Variants in TBC1D30 observed in about 807,000 individuals in gnomAD.
The protein encoded by TBC1D30 is TBC1 domain family member 30.
In TBC1D30, 31 loss-of-function variants were observed where a neutral mutation model predicts 63.2. That is an observed-to-expected ratio of 0.49 (90% CI 0.37 to 0.66). The LOEUF (loss-of-function observed/expected upper bound fraction) is 0.66. TBC1D30 is among the 30% of genes least tolerant of loss of function. The pLI, the probability that TBC1D30 is intolerant of heterozygous loss-of-function variation, is 0.00. For synonymous variants in TBC1D30, 307 were observed against 361.5 expected (o/e 0.85, Z 1.71); for missense variants, 810 against 953.6 (o/e 0.85, Z 1.98).
At chr12:64,839,909 G>A (rs1463830696) in intron 7 of TBC1D30, among the ~76,000 whole-genome samples, 4 of 150,948 alleles carry the variant, frequency 2.6e-5, no homozygotes, top group African/African-American at 9.8e-5. Flanking sequence ...GGAGGCTGAG[G>A]CAGGAGAATG....
chr12:64,784,917 AATT>A (rs1871476044), intron 1 of TBC1D30, among the ~76,000 whole-genome samples: 2 of 152,108 alleles, frequency 1.3e-5, no homozygotes, highest in African/African-American at 4.8e-5. Context: ...ATGAATGTAG[AATT>A]ATTGTAATTT....
intron 1 of TBC1D30, 50 bp downstream of exon 1, chr12:64,825,083 T>C: frequency 6.7e-7 from 1 of 1,502,454 alleles, no homozygotes; most frequent in South Asian, 1.2e-5. Flanking sequence ...GCGCCGGGGC[T>C]GCCCGCGCTT....
intron 11 of TBC1D30, among the ~76,000 whole-genome samples, 177 bp from the exon 12 acceptor site, chr12:64,874,824 C>G (rs934409448): frequency 2.0e-5 from 3 of 152,162 alleles, no homozygotes; most frequent in African/African-American, 7.2e-5. Context: ...GTATTCCAGG[C>G]TCTTCGGTTG....
In TBC1D30 at chr12:64,878,276, TAAAG is replaced by T. The variant is rs1879227901; in HGVS notation, c.*2492_*2495del. On this transcript the variant is annotated 3_prime_UTR_variant, in exon 12 of 12. Transcript: ENST00000539867. ...TATGAGCCTTGCCTACTTTAGAAAA[TAAAG>T]AAACCTGCAGTAGCCTCTACCACAC... The T allele has an allele frequency of 6.1e-6, 2 of 329,170 alleles. No homozygotes were observed. The highest frequency in any genetic ancestry group is 1.2e-5 in the Non-Finnish European group (2 of 165,256). 20.4% of individuals were successfully genotyped at this position (329,170 alleles called of 1,614,324 possible).
chr12:64,824,900 C>A lies in TBC1D30; in HGVS notation c.21C>A (p.Thr7=). ...CTCGGATGCGGCAGGACAAGCTGAC[C>A]GGGTCTCTGAGGCGCGGGGGGAGAT... The part of the protein sequence containing the change: MRQDKL[T]GSLRRGGRCL... The change falls in exon 1 of 12, where the codon ACC becomes ACA. Residue 7 remains threonine (T), a synonymous_variant. Transcript: ENST00000539867. The A allele has an allele frequency of 6.5e-7, 1 of 1,534,066 alleles. No homozygotes were observed. The highest frequency in any genetic ancestry group is 1.4e-5 in the African/African-American group (1 of 73,086).
chr12:64,807,288 T>A (rs1872927014), intron 2 of TBC1D30, among the ~76,000 whole-genome samples: 1 of 152,260 alleles, frequency 6.6e-6, no homozygotes, highest in Admixed American at 6.5e-5. Flanking sequence ...ACCATGATTA[T>A]AAGTTTCCTG....
In TBC1D30 at chr12:64,798,960, C is replaced by T. The variant is rs546800568; in HGVS notation, c.643+12915C>T. Among the ~76,000 whole-genome samples, 6 of 151,998 alleles carry T rather than the reference C, an allele frequency of 3.9e-5. No homozygotes were observed. In the East Asian group the frequency reaches 1.2e-3, roughly 29 times the overall value. On this transcript the variant is annotated intron_variant, in intron 2 of 12. Transcript: ENST00000542120. ...CCCGAGTAGCTGGGACTACAGGCACCCACCACCATGCCCAGCTAATTTTTT... is the reference window on the plus strand; with the variant it reads ...CCCGAGTAGCTGGGACTACAGGCACTCACCACCATGCCCAGCTAATTTTTT...
intron 2 of TBC1D30, among the ~76,000 whole-genome samples, chr12:64,812,587 A>G (rs1873278543): frequency 6.6e-6 from 1 of 152,252 alleles, no homozygotes; most frequent in South Asian, 2.1e-4. Flanking sequence ...AATGTATTCA[A>G]GACCAGACCT....
At chr12:64,805,223 TA>T (rs1872793836) in intron 2 of TBC1D30, among the ~76,000 whole-genome samples, 1 of 151,882 alleles carries the variant, frequency 6.6e-6, no homozygotes, top group African/African-American at 2.4e-5. Flanking sequence ...TAAAACAAAA[TA>T]AAAAAGAGAC....
At chr12:64,776,585 A>G (rs142229373), upstream of TBC1D30, among the ~76,000 whole-genome samples, 25 of 152,342 alleles carry the variant, frequency 1.6e-4, no homozygotes, top group African/African-American at 3.8e-4. Context: ...GAACAGACCA[A>G]TAATGAGTTC....
intron 5 of TBC1D30, among the ~76,000 whole-genome samples, chr12:64,835,381 T>A (rs1012007527): frequency 1.3e-5 from 2 of 152,028 alleles, no homozygotes; most frequent in African/African-American, 4.8e-5. Flanking sequence ...AGATTTTTGT[T>A]TTTGTGGGGC....
At position 64,876,429 on chromosome 12, in the gene TBC1D30, A is replaced by C. The variant is rs369429830; in HGVS notation, c.*641A>C. 16 of 163,294 alleles carry C rather than the reference A, an allele frequency of 9.8e-5. No individual in the cohort carries two copies. Among genetic ancestry groups the C allele is most frequent in the Admixed American group, 4.2e-4 (7 of 16,640 alleles). 10.1% of individuals were successfully genotyped at this position (163,294 alleles called of 1,614,324 possible). On this transcript the variant is annotated 3_prime_UTR_variant, in exon 12 of 12. Transcript: ENST00000539867. ...ATGAAGAAAACCTTTCATCTGTTGA[A>C]ATTTCAATCGATAACCCAGCTGAAG...
intron 8 of TBC1D30, among the ~76,000 whole-genome samples, chr12:64,855,307 T>C (rs1336162916): frequency 1.3e-5 from 2 of 152,166 alleles, no homozygotes; most frequent in Admixed American, 6.5e-5. Flanking sequence ...TGAGGGAGTC[T>C]TCTTTGGGTT....
intron 11 of TBC1D30, among the ~76,000 whole-genome samples, chr12:64,872,281 G>A (rs1878716564): frequency 6.6e-6 from 1 of 152,182 alleles, no homozygotes; most frequent in South Asian, 2.1e-4. Context: ...GCCCACCTTG[G>A]CCTCCCAAAG....
chr12:64,774,618 AG>A (rs1431505702), intron 1 of TBC1D30, among the ~76,000 whole-genome samples: 1 of 152,232 alleles, frequency 6.6e-6, no homozygotes, highest in African/African-American at 2.4e-5. Flanking sequence ...ATAAGCCAGA[AG>A]AGATTGGGGG....
intron 10 of TBC1D30, chr12:64,868,488 A>G: frequency 4.0e-6 from 1 of 247,470 alleles, no homozygotes; most frequent in Non-Finnish European, 7.8e-6. Context: ...CCTCCTAGCC[A>G]TTTGAATCTC....
At chr12:64,829,372 A>G (rs902489291) in intron 3 of TBC1D30, among the ~76,000 whole-genome samples, 1 of 152,174 alleles carries the variant, frequency 6.6e-6, no homozygotes, top group Admixed American at 6.5e-5. Flanking sequence ...CTGAGCTTAC[A>G]TGAATTCCTC....
At position 64,878,448 on chromosome 12, in the gene TBC1D30, C is replaced by T. The variant is rs1426635054; in HGVS notation, c.*2660C>T. On this transcript the variant is annotated 3_prime_UTR_variant, in exon 12 of 12. Transcript: ENST00000539867. ...TCTTAGCCCTTTTGCCGGGAATCAA[C>T]TCATTCTGATGCCTCTGCACCTCAG... The T allele has an allele frequency of 1.3e-5, 6 of 456,726 alleles. No individual in the cohort carries two copies. Among genetic ancestry groups the T allele is most frequent in the South Asian group, 9.3e-5 (6 of 64,572 alleles). 28.3% of individuals were successfully genotyped at this position (456,726 alleles called of 1,614,324 possible).
In TBC1D30 at chr12:64,864,750, C is replaced by T; in HGVS notation, c.1121C>T (p.Pro374Leu). Residue 374 changes from proline to leucine, a missense_variant, in exon 9 of 12, where the codon CCA (proline) becomes CTA (leucine). By Grantham distance (98) the Pro-to-Leu change is moderately conservative (BLOSUM62 -3). Transcript: ENST00000539867. ...EKYTYNITPF[P>L]ATVKPTSVSG... is the part of the protein sequence containing the mutation. Reference sequence around the variant, plus strand: ...TACACCTACAACATTACACCGTTCCCAGCCACAGTTAAACCCACCTCAGTT... The same window carrying T: ...TACACCTACAACATTACACCGTTCCTAGCCACAGTTAAACCCACCTCAGTT... 1 of 1,536,078 alleles carries T rather than the reference C, an allele frequency of 6.5e-7. No individual in the cohort carries two copies. Among genetic ancestry groups the T allele is most frequent in the Non-Finnish European group, 8.7e-7 (1 of 1,146,860 alleles).
Sources: gnomAD v4.1 joint callset for allele counts (sites outside exome capture counted in the v4.1 genomes callset) on GRCh38, gnomAD v4.1.1 for gene constraint, MANE v1.5 for transcripts, NCBI Gene and HGNC (gene_info 2026-07-23, HGNC 2026-07-21) for gene names.